FMN1: variants seen among roughly 807,000 people sequenced by gnomAD.
FMN1 encodes formin-1.
Under a neutral mutation model 132.4 loss-of-function variants are expected in FMN1, and 110 were observed. The observed-to-expected ratio is 0.83, with a 90% CI of 0.71 to 0.97. The LOEUF (loss-of-function observed/expected upper bound fraction) is 0.97. FMN1 is among the 50% of genes least tolerant of loss of function. FMN1 has a pLI of 0.00. For synonymous variants in FMN1, 722 were observed against 651.7 expected (o/e 1.11, Z -1.64); for missense variants, 1,792 against 1,705.3 (o/e 1.05, Z -0.90).
intron 17 of FMN1, among the ~76,000 whole-genome samples, chr15:32,833,145 T>C (rs2058543316): frequency 6.6e-6 from 1 of 152,182 alleles, no homozygotes; most frequent in African/African-American, 2.4e-5. Flanking sequence ...TTTCTTCTTG[T>C]CTCTAATGGT....
chr15:33,080,192 A>G (rs986929576), intron 5 of FMN1, among the ~76,000 whole-genome samples: 20 of 152,174 alleles, frequency 1.3e-4, no homozygotes, highest in Admixed American at 6.6e-5. Flanking sequence ...ATTGGCTTCC[A>G]TGGAAACAAT....
intron 7 of FMN1, among the ~76,000 whole-genome samples, chr15:32,993,157 C>T (rs1447947684): frequency 1.3e-5 from 2 of 152,154 alleles, no homozygotes; most frequent in African/African-American, 4.8e-5. Context: ...ACGATTCATT[C>T]AGAGAAATAT....
intron 7 of FMN1, among the ~76,000 whole-genome samples, chr15:32,990,880 TACTC>T (rs754911709): frequency 6.6e-5 from 10 of 152,102 alleles, no homozygotes; most frequent in Non-Finnish European, 1.2e-4. Flanking sequence ...TGTGATAACT[TACTC>T]ACTCTCACGA....
intron 4 of FMN1, among the ~76,000 whole-genome samples, chr15:33,127,264 CCTT>C (rs780975763): frequency 6.6e-6 from 1 of 152,174 alleles, no homozygotes; most frequent in African/African-American, 2.4e-5. Context: ...AGATCTCCCT[CCTT>C]ATTCTTCACA....
chr15:33,153,284 G>T lies in FMN1; in HGVS notation c.1631C>A (p.Pro544His), dbSNP rs780467056. 1.3e-6 allele frequency: 2 copies of T among 1,536,184 alleles called. No homozygotes were observed. Among genetic ancestry groups the T allele is most frequent in the South Asian group, 2.4e-5 (2 of 84,058 alleles). Reference sequence around the variant, plus strand: ...ATTAAGAGCAGCTTCCCTCTCACCAGGCAATGCAGGGAGCCGGAGGATCCT... The same window carrying T: ...ATTAAGAGCAGCTTCCCTCTCACCATGCAATGCAGGGAGCCGGAGGATCCT... Reference protein sequence around the residue: ...HHRILRLPALPGEREAALNDS... With the variant: ...HHRILRLPALHGEREAALNDS... The change falls in exon 4 of 21, where the codon CCT (proline) becomes CAT (histidine). Residue 544 changes from proline (P) to histidine (H), a missense_variant. By Grantham distance (77) the Pro-to-His change is moderately conservative (BLOSUM62 -2). Around this residue, in one of 3 missense-constraint regions of FMN1, gnomAD observed 1,150 missense variants for 1,043.1 expected, o/e 1.10. Coordinates refer to ENST00000616417, the MANE Select transcript of FMN1 (RefSeq NM_001277313.2).
intron 4 of FMN1, among the ~76,000 whole-genome samples, chr15:33,098,648 T>C (rs2039176062): frequency 6.6e-6 from 1 of 152,138 alleles, no homozygotes; most frequent in Non-Finnish European, 1.5e-5. Flanking sequence ...AACCAATGAT[T>C]ATGAGACAGC....
intron 16 of FMN1, among the ~76,000 whole-genome samples, chr15:32,875,253 T>C (rs544976443): frequency 1.3e-5 from 2 of 152,300 alleles, no homozygotes; most frequent in Non-Finnish European, 2.9e-5. Flanking sequence ...AGACAGTAAG[T>C]AGCTGAGTCA....
chr15:32,848,753 T>A lies in FMN1; in HGVS notation c.3928+8262A>T, dbSNP rs189513752. 6.2e-3 allele frequency among the ~76,000 whole-genome samples: 939 copies of A among 152,268 alleles called. 9 individuals carry two copies. The highest frequency in any genetic ancestry group is 0.015 in the African/African-American group (637 of 41,536). On this transcript the variant is annotated intron_variant, in intron 17 of 20. Transcript: ENST00000616417. ...AAAATTTGTTTACTATTTTAAGAGG[T>A]ACTCACTGGTTAAAACACCCAAATT...
intron 19 of FMN1, among the ~76,000 whole-genome samples, chr15:32,791,670 A>G (rs2057084104): frequency 6.6e-6 from 1 of 152,222 alleles, no homozygotes; most frequent in Non-Finnish European, 1.5e-5. Flanking sequence ...TACAGGGTAA[A>G]GAACAATCAC....
intron 6 of FMN1, among the ~76,000 whole-genome samples, chr15:33,058,290 G>A (rs752190296): frequency 6.6e-6 from 1 of 152,150 alleles, no homozygotes; most frequent in Non-Finnish European, 1.5e-5. Context: ...GTAAAAATGT[G>A]GTGTGGAATA....
chr15:32,823,223 T>G (rs952065010), intron 17 of FMN1, among the ~76,000 whole-genome samples: 11 of 138,022 alleles, frequency 8.0e-5, no homozygotes, highest in Non-Finnish European at 1.2e-4. Context: ...GTGCAGTGGC[T>G]CAATCTCGGC....
intron 6 of FMN1, among the ~76,000 whole-genome samples, chr15:33,011,016 T>C (rs2034688892): frequency 6.7e-6 from 1 of 148,542 alleles, no homozygotes; most frequent in Admixed American, 6.8e-5. Context: ...AATTTGAGTT[T>C]TGTTTTGTTT....
intron 16 of FMN1, among the ~76,000 whole-genome samples, chr15:32,862,467 C>T (rs894707960): frequency 1.3e-5 from 2 of 152,142 alleles, no homozygotes; most frequent in Admixed American, 1.3e-4. Flanking sequence ...ACTGAGACTA[C>T]ATGGAGAATA....
intron 4 of FMN1, among the ~76,000 whole-genome samples, chr15:33,151,766 G>T (rs1964448942): frequency 6.6e-6 from 1 of 151,698 alleles, no homozygotes; most frequent in South Asian, 2.1e-4. Flanking sequence ...ACAGGAGAAA[G>T]AATTTTCATC....
At chr15:33,089,055 C>T (rs999792253) in intron 4 of FMN1, 81 bp from the exon 5 acceptor site, 4 of 1,168,104 alleles carry the variant, frequency 3.4e-6, no homozygotes, top group Non-Finnish European at 3.5e-6. Flanking sequence ...GGAACTCCTA[C>T]ATAGACTTCT....
At position 33,065,277 on chromosome 15, in the gene FMN1, TACA is replaced by T. The variant is rs35328525; in HGVS notation, c.2044-206_2044-204del. ...ATCAGTTGAGGTGAAAATTTAAAAC[TACA>T]ACAACAAAAAAACCTCAAGGCTAAG... is the stretch of plus-strand genomic sequence containing the variant. On this transcript the variant is annotated intron_variant, in intron 5 of 20. Transcript: ENST00000616417. 0.036 allele frequency among the ~76,000 whole-genome samples: 5,407 copies of T among 152,146 alleles called. 325 individuals carry two copies. The highest frequency in any genetic ancestry group is 0.12 in the African/African-American group (5,148 of 41,478).
intron 6 of FMN1, among the ~76,000 whole-genome samples, chr15:33,060,788 C>T (rs1349964): frequency 0.67 from 102,037 of 152,098 alleles, 34,586 homozygotes; most frequent in East Asian, 0.84. Flanking sequence ...TCAGAAAGCA[C>T]GAGTGTTTTT....
chr15:33,085,918 C>T (rs2038673154), intron 5 of FMN1, among the ~76,000 whole-genome samples: 1 of 152,104 alleles, frequency 6.6e-6, no homozygotes, highest in Non-Finnish European at 1.5e-5. Flanking sequence ...AACGAGCTTG[C>T]AACAGCCTGG....
At chr15:33,083,003 A>G (rs1289691832) in intron 5 of FMN1, among the ~76,000 whole-genome samples, 3 of 152,184 alleles carry the variant, frequency 2.0e-5, no homozygotes, top group South Asian at 2.1e-4. Context: ...TAGTTTGCCC[A>G]TAATAGTCTA....
Sources: allele counts gnomAD v4.1 joint callset (sites outside exome capture counted in the v4.1 genomes callset), GRCh38; gene constraint gnomAD v4.1.1; regional missense constraint gnomAD v4.1.1; transcripts MANE v1.5; gene names NCBI Gene and HGNC (gene_info 2026-07-23, HGNC 2026-07-21).